The following USH2A variants were observed in gnomAD, a reference collection of about 807,000 sequenced individuals.
The protein encoded by USH2A is Usher syndrome 2A (autosomal recessive, mild).
A neutral mutation model predicts 538.9 loss-of-function variants in USH2A; 443 were observed. The ratio of observed to expected loss-of-function variants is 0.82; its 90% CI spans 0.76 to 0.89. The LOEUF (loss-of-function observed/expected upper bound fraction) is 0.89, where lower values mean the gene tolerates loss of function less well. Among genes scored for constraint, USH2A ranks in the 40% least tolerant of loss-of-function variants. The pLI is 0.00. For missense variants in USH2A, 6,633 were observed against 6,324.8 expected (o/e 1.05, Z -1.65); for synonymous variants, 2,413 against 2,273.5 (o/e 1.06, Z -1.75).
rs767682453 is a variant in USH2A, at chr1:216,232,091, G to A, written c.2855C>T (p.Ser952Leu). 1.5e-5 allele frequency: 25 copies of A among 1,613,764 alleles called. No individual in the cohort carries two copies. The East Asian group carries it at 1.8e-4, about 12-fold the overall frequency. ...ATTAACTGCACCAGTTGTATGGCAT[G>A]AGCATGGCAGGCAGCCAGTGGCATT... The part of the protein sequence containing the change: ...PGNATGCLPC[S>L]CHTTGAVNHI... The change falls in exon 14 of 72, where the codon TCA becomes TTA. Residue 952 changes from serine to leucine, a missense_variant. Coordinates refer to ENST00000307340, the MANE Select transcript of USH2A (RefSeq NM_206933.4).
At chr1:216,109,833 T>C (rs2032823918) in intron 21 of USH2A, among the ~76,000 whole-genome samples, 1 of 152,202 alleles carries the variant, frequency 6.6e-6, no homozygotes. Flanking sequence ...TGATAAGTGA[T>C]AGCAGTGATA....
At chr1:216,180,981 T>C (rs1465276273) in intron 20 of USH2A, among the ~76,000 whole-genome samples, 1 of 152,086 alleles carries the variant, frequency 6.6e-6, no homozygotes, top group Non-Finnish European at 1.5e-5. Context: ...CCAATCAGTG[T>C]CTTAAAGAGG....
chr1:216,198,422 G>A lies in USH2A; in HGVS notation c.3974C>T (p.Thr1325Ile). Reference protein sequence around the residue: ...NALKPPQTMTTITGLEPYTKY... With the variant: ...NALKPPQTMTIITGLEPYTKY... ...GGTGTATGGCTCCAAGCCAGTGATG[G>A]TTGTCATTGTTTGAGGAGGTTTTAA... is the stretch of plus-strand genomic sequence containing the variant. Residue 1325 changes from threonine (T) to isoleucine (I), a missense_variant, in exon 18 of 72, where the codon ACC becomes ATC. Transcript: ENST00000307340. 1 of 1,613,996 alleles carries A rather than the reference G, an allele frequency of 6.2e-7. No homozygotes were observed. Among genetic ancestry groups the A allele is most frequent in the Non-Finnish European group, 8.5e-7 (1 of 1,179,956 alleles).
chr1:216,390,347 T>C (rs1422540145), intron 3 of USH2A, among the ~76,000 whole-genome samples: 1 of 152,132 alleles, frequency 6.6e-6, no homozygotes, highest in African/African-American at 2.4e-5. Context: ...ATATGTCCCT[T>C]AAATTTCCCA....
At chr1:215,644,670 C>T (rs1656791361) in intron 67 of USH2A, among the ~76,000 whole-genome samples, 1 of 152,162 alleles carries the variant, frequency 6.6e-6, no homozygotes, top group African/African-American at 2.4e-5. Context: ...ACTGGAAAGT[C>T]AGTGAAGGTG....
rs542216521 is a variant in USH2A, at chr1:215,762,879, C to A, written c.11048-3036G>T. ...TTAAAAGGGGAAAGGTAGAATTAAA[C>A]CTTGGTGGGCCTTTTTACACAGTGA... On this transcript the variant is annotated intron_variant, in intron 56 of 71. Coordinates refer to ENST00000307340, the MANE Select transcript of USH2A (RefSeq NM_206933.4). Among the ~76,000 whole-genome samples, 8 of 152,234 alleles carry A rather than the reference C, an allele frequency of 5.3e-5. 1 individual carries two copies. In the South Asian group the frequency reaches 1.7e-3, roughly 32 times the overall value.
intron 55 of USH2A, among the ~76,000 whole-genome samples, chr1:215,779,246 C>G (rs1372703110): frequency 3.3e-5 from 5 of 152,120 alleles, no homozygotes; most frequent in Admixed American, 3.3e-4. Flanking sequence ...TAAGCTAAAA[C>G]CTGTTAATTA....
Position 215,888,706 on chromosome 1 carries a change from G to T in USH2A, c.7943C>A (p.Thr2648Asn), listed in dbSNP as rs748651680. 1 of 1,614,144 alleles carries T rather than the reference G, an allele frequency of 6.2e-7. No individual in the cohort carries two copies. The highest frequency in any genetic ancestry group is 1.7e-5 in the Admixed American group (1 of 60,012). ...TSVIISWQPPTHPNGLVENFT... is the reference protein window; with the variant it reads ...TSVIISWQPPNHPNGLVENFT... ...ATTCTCCACCAAGCCATTGGGGTGG[G>T]TAGGGGGTTGCCAAGATATAATCAC... Residue 2648 changes from threonine to asparagine, a missense_variant, in exon 41 of 72, where the codon ACC becomes AAC. Coordinates refer to ENST00000307340, the MANE Select transcript of USH2A (RefSeq NM_206933.4).
chr1:215,953,131 C>G lies in USH2A; in HGVS notation c.7120+12186G>C, dbSNP rs532044909. On this transcript the variant is annotated intron_variant, in intron 37 of 71. Transcript: ENST00000307340. The stretch of plus-strand genomic sequence containing the variant: ...GAAGAATCAATATTGTGAAAATGGC[C>G]ATACTGCCCAAGGTAATTTATAGAT... Among the ~76,000 whole-genome samples, 195 of 152,148 alleles carry G rather than the reference C, an allele frequency of 1.3e-3. 2 individuals carry two copies. Among genetic ancestry groups the G allele is most frequent in the African/African-American group, 3.9e-3 (163 of 41,496 alleles).
chr1:215,912,060 G>GT (rs1383939349), intron 38 of USH2A, among the ~76,000 whole-genome samples: 1 of 151,932 alleles, frequency 6.6e-6, no homozygotes, highest in Non-Finnish European at 1.5e-5. Context: ...TGGATTATTA[G>GT]TTTTTTTCCT....
At chr1:215,936,146 T>C (rs1248463206) in intron 37 of USH2A, among the ~76,000 whole-genome samples, 4 of 151,972 alleles carry the variant, frequency 2.6e-5, no homozygotes, top group Non-Finnish European at 4.4e-5. Context: ...TCTGCAGATA[T>C]AGACAAATGA....
At chr1:215,691,940 C>G (rs1240234984) in intron 61 of USH2A, among the ~76,000 whole-genome samples, 2 of 152,066 alleles carry the variant, frequency 1.3e-5, no homozygotes, top group Admixed American at 1.3e-4. Flanking sequence ...CAGGACCAAA[C>G]TCAGTGGCAG....
chr1:215,778,955 A>G (rs1661541627), intron 55 of USH2A, among the ~76,000 whole-genome samples: 1 of 152,226 alleles, frequency 6.6e-6, no homozygotes, highest in African/African-American at 2.4e-5. Flanking sequence ...TCTGGCACAT[A>G]TTAAGTTCCC....
At chr1:216,318,861 T>C (rs1018468761) in intron 9 of USH2A, among the ~76,000 whole-genome samples, 1 of 152,168 alleles carries the variant, frequency 6.6e-6, no homozygotes, top group Admixed American at 6.6e-5. Context: ...AAACCAATCA[T>C]GAGCCTTCAT....
At chr1:216,050,560 T>TTTTCTTTCTTTCTTTCTTTC (rs67191347) in intron 30 of USH2A, among the ~76,000 whole-genome samples, 1,314 of 35,668 alleles carry the variant, frequency 0.037, 169 homozygotes, top group East Asian at 0.06. Context: ...ATTTGTATCT[T>TTTTCTTTCTTTCTTTCTTTC]TTTCTTTCTT....
At chr1:215,984,147 C>T (rs7553284) in intron 35 of USH2A, among the ~76,000 whole-genome samples, 20,525 of 152,188 alleles carry the variant, frequency 0.13, 1,494 homozygotes, top group Middle Eastern at 0.2. Flanking sequence ...TTACAGGGCA[C>T]GGGGCAGAGT....
intron 30 of USH2A, among the ~76,000 whole-genome samples, chr1:216,048,872 A>C (rs1447773108): frequency 6.6e-6 from 1 of 152,210 alleles, no homozygotes; most frequent in African/African-American, 2.4e-5. Flanking sequence ...CTTATTGTTA[A>C]AACAGCTCTC....
rs1260877507 is a variant in USH2A, at chr1:215,844,410, C to T, written c.9142G>A (p.Gly3048Ser). 2 of 1,613,454 alleles carry T rather than the reference C, an allele frequency of 1.2e-6. No homozygotes were observed. The highest frequency in any genetic ancestry group is 3.3e-5 in the Admixed American group (2 of 59,896). ...VIWTSPSNPNGVVTEYSIYVN... is the reference protein window; with the variant it reads ...VIWTSPSNPNSVVTEYSIYVN... ...TAGATAGAATACTCAGTGACAACAC[C>T]ATTTGGGTTTGAAGGAGATGTCCAG... The change falls in exon 46 of 72, where the codon GGT becomes AGT. Residue 3048 changes from glycine (G) to serine (S), a missense_variant. Coordinates refer to ENST00000307340, the MANE Select transcript of USH2A (RefSeq NM_206933.4).
At chr1:216,320,797 ATGTT>A (rs1458296700) in intron 9 of USH2A, among the ~76,000 whole-genome samples, 1 of 151,986 alleles carries the variant, frequency 6.6e-6, no homozygotes. Context: ...TATTTTGTAA[ATGTT>A]TGTGTGTTAG....
Sources: gnomAD v4.1 joint callset for allele counts (sites outside exome capture counted in the v4.1 genomes callset) on GRCh38, gnomAD v4.1.1 for gene constraint, MANE v1.5 for transcripts, NCBI Gene and HGNC (gene_info 2026-07-23, HGNC 2026-07-21) for gene names.